Variants in ZDHHC2 observed in about 807,000 individuals in gnomAD.
The protein encoded by ZDHHC2 is palmitoyltransferase ZDHHC2.
In ZDHHC2, 51 loss-of-function variants were observed where a neutral mutation model predicts 55.6. The observed-to-expected ratio is 0.92, with a 90% CI of 0.73 to 1.16. ZDHHC2 has a LOEUF of 1.16. Among genes scored for constraint, ZDHHC2 ranks in the 50% most tolerant of loss-of-function variants. The pLI, the probability that ZDHHC2 is intolerant of heterozygous loss-of-function variation, is 0.00. For synonymous variants in ZDHHC2, 199 were observed against 152.9 expected, an observed-to-expected ratio of 1.30 and a Z score of -2.22; for missense variants, 491 against 442.4, an observed-to-expected ratio of 1.11 and a Z score of -0.99.
intron 12 of ZDHHC2, among the ~76,000 whole-genome samples, chr8:17,218,318 A>C (rs1807746691): frequency 6.6e-6 from 1 of 152,216 alleles, no homozygotes; most frequent in African/African-American, 2.4e-5. Flanking sequence ...TAGCTATAGC[A>C]AATATGAGTC....
chr8:17,187,671 C>G (rs1805783371), intron 3 of ZDHHC2, among the ~76,000 whole-genome samples: 1 of 151,942 alleles, frequency 6.6e-6, no homozygotes, highest in Non-Finnish European at 1.5e-5. Context: ...CATCATCTCT[C>G]TTACCCTCAT....
rs539334473 is a variant in ZDHHC2, at chr8:17,190,255, C to CA, written c.252+3842dup. 2.8e-3 allele frequency among the ~76,000 whole-genome samples: 367 copies of CA among 132,250 alleles called. 2 individuals are homozygous for CA. The highest frequency in any genetic ancestry group is 0.023 in the Middle Eastern group (6 of 256). 86.8% of individuals were successfully genotyped at this position (132,250 alleles called of 152,430 possible). A position where few individuals can be genotyped will look rare whatever the true frequency, so the allele number is the denominator to read the frequency against. On this transcript the variant is annotated intron_variant, in intron 3 of 12. Transcript: ENST00000262096. ...TGGGCGACAGATCGACACTCCGTCT[C>CA]AAAAAAAAAAAAGAAAAGAAAAGAA...
chr8:17,221,657 T>C lies in ZDHHC2; in HGVS notation c.*1436T>C, dbSNP rs1807923553. Reference sequence around the variant, plus strand: ...GATCATTGCAATTACTTATCCTTCCTAAAAATATAGTTTTATATTAATTGT... The same window carrying C: ...GATCATTGCAATTACTTATCCTTCCCAAAAATATAGTTTTATATTAATTGT... On this transcript the variant is annotated 3_prime_UTR_variant, in exon 13 of 13. Transcript: ENST00000262096. 1 of 152,498 alleles carries C rather than the reference T, an allele frequency of 6.6e-6. No individual in the cohort carries two copies. Among genetic ancestry groups the C allele is most frequent in the Non-Finnish European group, 1.5e-5 (1 of 67,930 alleles). The allele number at this position is 152,498 out of a possible 1,614,324, so 9.4% of individuals were successfully genotyped here.
intron 3 of ZDHHC2, among the ~76,000 whole-genome samples, chr8:17,189,724 A>C (rs1805920776): frequency 6.6e-6 from 1 of 152,236 alleles, no homozygotes; most frequent in Non-Finnish European, 1.5e-5. Context: ...AAGGATATGA[A>C]ACACACGGAA....
intron 1 of ZDHHC2, among the ~76,000 whole-genome samples, chr8:17,165,673 G>C (rs1180832245): frequency 6.6e-6 from 1 of 152,126 alleles, no homozygotes; most frequent in East Asian, 1.9e-4. Context: ...GAAGGAAAAT[G>C]AAATAAAAAA....
Position 17,223,192 on chromosome 8 carries a change from A to G in ZDHHC2, c.*2971A>G, listed in dbSNP as rs2904686. On this transcript the variant is annotated 3_prime_UTR_variant, in exon 13 of 13. Coordinates refer to ENST00000262096, the MANE Select transcript of ZDHHC2 (RefSeq NM_016353.5). ...GCTGATTCTGAAATTGTACTGTATC[A>G]TTTGGTATTTACTTATATGGTCAAA... 1 of 151,822 alleles carries G rather than the reference A, an allele frequency of 6.6e-6. No individual in the cohort carries two copies. Among genetic ancestry groups the G allele is most frequent in the African/African-American group, 2.4e-5 (1 of 41,420 alleles). The allele number at this position is 151,822 out of a possible 1,614,324, so 9.4% of individuals were successfully genotyped here. A position where few individuals can be genotyped will look rare whatever the true frequency, so the allele number is the denominator to read the frequency against.
At chr8:17,177,634 A>G (rs1264202555) in intron 1 of ZDHHC2, among the ~76,000 whole-genome samples, 1 of 152,224 alleles carries the variant, frequency 6.6e-6, no homozygotes, top group African/African-American at 2.4e-5. Context: ...TAAGCACAGT[A>G]TAGTCAATTA....
chr8:17,210,186 T>C (rs1345106829), intron 9 of ZDHHC2, 128 bp downstream of exon 9: 1 of 1,197,740 alleles, frequency 8.3e-7, no homozygotes, highest in Non-Finnish European at 1.1e-6. Flanking sequence ...TTAAAAAATA[T>C]TATTCTATGA....
rs112484206 is a variant in ZDHHC2, at chr8:17,202,518, A to G, written c.477-3137A>G. ...TTTTACACTGAACTTAAACAACATA[A>G]GAAGAATATTTTCCTAGAACGTGTT... On this transcript the variant is annotated intron_variant, in intron 6 of 12. Transcript: ENST00000262096. Among the ~76,000 whole-genome samples, 398 of 152,320 alleles carry G rather than the reference A, an allele frequency of 2.6e-3. 2 individuals are homozygous for G. The highest frequency in any genetic ancestry group is 8.8e-3 in the African/African-American group (367 of 41,576).
At chr8:17,191,560 T>G (rs113881073) in intron 3 of ZDHHC2, among the ~76,000 whole-genome samples, 4 of 152,260 alleles carry the variant, frequency 2.6e-5, no homozygotes, top group Non-Finnish European at 5.9e-5. Flanking sequence ...AGTGAGAGCA[T>G]GCAAAGTTTG....
chr8:17,163,576 A>G (rs1804460962), intron 1 of ZDHHC2, among the ~76,000 whole-genome samples: 2 of 152,128 alleles, frequency 1.3e-5, no homozygotes, highest in African/African-American at 2.4e-5. Context: ...CTATACTTAC[A>G]TTTCATAATT....
rs573461771 is a variant in ZDHHC2 at position 17,169,133 on chromosome 8, C to G, written c.130+12280C>G. ...TTTCTGGAGCAGGTGATTTTTGATG[C>G]AGGTGTCACCCAGAGAAGCCTGTAT... On this transcript the variant is annotated intron_variant, in intron 1 of 12. Coordinates refer to ENST00000262096, the MANE Select transcript of ZDHHC2 (RefSeq NM_016353.5). Among the ~76,000 whole-genome samples the G allele has an allele frequency of 2.0e-5, 3 of 152,110 alleles. No homozygotes were observed. In the South Asian group the frequency reaches 6.2e-4, roughly 32 times the overall value.
At chr8:17,167,131 G>T (rs185683497) in intron 1 of ZDHHC2, among the ~76,000 whole-genome samples, 207 of 152,156 alleles carry the variant, frequency 1.4e-3, no homozygotes, top group Admixed American at 2.2e-3. Flanking sequence ...TTTCTTGGAT[G>T]AATCAAAAGA....
intron 4 of ZDHHC2, among the ~76,000 whole-genome samples, chr8:17,196,581 TAAA>T (rs111516017): frequency 7.0e-6 from 1 of 142,740 alleles, no homozygotes. Flanking sequence ...AAAAAATGTT[TAAA>T]AAAAAAAAAA....
chr8:17,207,310 G>A (rs1201374684), intron 7 of ZDHHC2, among the ~76,000 whole-genome samples: 1 of 152,156 alleles, frequency 6.6e-6, no homozygotes, highest in Non-Finnish European at 1.5e-5. Flanking sequence ...TATAAACAAT[G>A]AGAGAATGAG....
chr8:17,195,069 G>T (rs1316851518), intron 3 of ZDHHC2, among the ~76,000 whole-genome samples: 1 of 152,160 alleles, frequency 6.6e-6, no homozygotes, highest in African/African-American at 2.4e-5. Context: ...TTATCCCTAA[G>T]TTAAAACTCA....
At chr8:17,214,648 C>T (rs1563171064) in intron 10 of ZDHHC2, among the ~76,000 whole-genome samples, 1 of 152,098 alleles carries the variant, frequency 6.6e-6, no homozygotes, top group East Asian at 1.9e-4. Context: ...GTGGCCTATG[C>T]ATGTAATCCT....
At chr8:17,196,120 A>C (rs1004469450) in intron 4 of ZDHHC2, among the ~76,000 whole-genome samples, 1 of 152,198 alleles carries the variant, frequency 6.6e-6, no homozygotes. Flanking sequence ...AATGCAATAA[A>C]TTAACAAATC....
At chr8:17,215,157 T>C in intron 10 of ZDHHC2, 80 bp from the exon 11 acceptor site, 3 of 1,321,672 alleles carry the variant, frequency 2.3e-6, no homozygotes, top group Non-Finnish European at 3.2e-6. Context: ...TGGTTTTGGT[T>C]CCATACATTG....
Sources: gnomAD v4.1 joint callset for allele counts (sites outside exome capture counted in the v4.1 genomes callset) on GRCh38, gnomAD v4.1.1 for gene constraint, MANE v1.5 for transcripts, NCBI Gene and HGNC (gene_info 2026-07-23, HGNC 2026-07-21) for gene names.